Variants in PRKG1 observed in about 807,000 individuals in gnomAD.
PRKG1 encodes the protein cGMP-dependent protein kinase 1.
Under a neutral mutation model 88.1 loss-of-function variants are expected in PRKG1, and 35 were observed. That is an observed-to-expected ratio of 0.40 (90% CI 0.30 to 0.53). The LOEUF is 0.53. PRKG1 is among the 20% of genes least tolerant of loss of function. The pLI is 0.59. For synonymous variants in PRKG1, 303 were observed against 292.5 expected (o/e 1.04, Z -0.37); for missense variants, 540 against 839.8 (o/e 0.64, Z 4.41).
intron 2 of PRKG1, among the ~76,000 whole-genome samples, chr10:51,350,410 A>G (rs1180949439): frequency 6.6e-6 from 1 of 152,164 alleles, no homozygotes; most frequent in Non-Finnish European, 1.5e-5. Context: ...TAAATAACTC[A>G]CATTCTATAT....
intron 9 of PRKG1, among the ~76,000 whole-genome samples, chr10:52,238,763 C>T (rs1477385380): frequency 4.7e-5 from 7 of 149,454 alleles, no homozygotes; most frequent in Non-Finnish European, 1.0e-4. Context: ...GTCAGTGTGG[C>T]GATTCCTCAG....
intron 9 of PRKG1, among the ~76,000 whole-genome samples, chr10:52,248,898 C>G (rs1384690104): frequency 3.4e-5 from 1 of 29,236 alleles, no homozygotes; most frequent in African/African-American, 5.9e-5. Context: ...TCCTTCCTTT[C>G]CTTTCTCTTT....
chr10:52,086,587 T>G (rs1038947642), intron 7 of PRKG1, among the ~76,000 whole-genome samples: 1 of 151,970 alleles, frequency 6.6e-6, no homozygotes, highest in African/African-American at 2.4e-5. Context: ...GTATTTTTAG[T>G]AGAGACAGGG....
rs376238076 is a variant in PRKG1, at chr10:52,170,522, C to T, written c.1076+8559C>T. Among the ~76,000 whole-genome samples the T allele has an allele frequency of 1.6e-4, 25 of 152,216 alleles. No individual in the cohort carries two copies. In the East Asian group the frequency reaches 2.3e-3, roughly 14 times the overall value. On this transcript the variant is annotated intron_variant, in intron 9 of 17. Transcript: ENST00000373980. ...CTGCAGGGCTGGCTCTCGCTTATTG[C>T]CACTAAAAAAAGAAGTACCACAATC...
chr10:51,724,639 T>C (rs946504415), intron 3 of PRKG1, among the ~76,000 whole-genome samples: 1 of 152,188 alleles, frequency 6.6e-6, no homozygotes, highest in East Asian at 1.9e-4. Flanking sequence ...ATCCTCTTGC[T>C]GTGGCCTCCA....
chr10:51,749,255 G>T, intron 3 of PRKG1, among the ~76,000 whole-genome samples: 1 of 152,134 alleles, frequency 6.6e-6, no homozygotes, highest in East Asian at 1.9e-4. Context: ...GTCTTAGTCA[G>T]CTCAGACTGT....
chr10:51,936,467 A>G (rs1842801956), intron 5 of PRKG1, among the ~76,000 whole-genome samples: 1 of 152,054 alleles, frequency 6.6e-6, no homozygotes, highest in Non-Finnish European at 1.5e-5. Flanking sequence ...GTAAATGACA[A>G]TGTCCTTAAA....
chr10:52,176,047 C>T (rs116155599), intron 9 of PRKG1, among the ~76,000 whole-genome samples: 1 of 151,742 alleles, frequency 6.6e-6, no homozygotes, highest in South Asian at 2.1e-4. Context: ...GTTTTTGAGG[C>T]CTTATTCAAA....
Position 50,991,008 on chromosome 10 carries a change from C to T in PRKG1, c.-371C>T, listed in dbSNP as rs982374903. The stretch of plus-strand genomic sequence containing the variant: ...CGGTGGGGTGGCGCGCGCGTATTCT[C>T]ACGGAGTGACTAGGAGAGGGGGACG... On this transcript the variant is annotated 5_prime_UTR_variant, in exon 1 of 18. Transcript: ENST00000401604. This position sits in a 1 kb window ranked among gnomAD's most constrained non-coding sequence, Gnocchi z 4.5. The T allele has an allele frequency of 2.6e-5, 5 of 192,028 alleles. No homozygotes were observed. The highest frequency in any genetic ancestry group is 4.2e-5 in the Non-Finnish European group (4 of 95,410). 11.9% of individuals were successfully genotyped at this position (192,028 alleles called of 1,614,324 possible).
chr10:51,396,560 A>G (rs1039323812), intron 2 of PRKG1, among the ~76,000 whole-genome samples: 1 of 152,214 alleles, frequency 6.6e-6, no homozygotes, highest in African/African-American at 2.4e-5. Context: ...TAGATCTTTC[A>G]GTGATGGTTA....
chr10:51,218,855 T>C (rs1232112701), intron 2 of PRKG1, among the ~76,000 whole-genome samples: 3 of 144,344 alleles, frequency 2.1e-5, no homozygotes, highest in African/African-American at 2.6e-5. Flanking sequence ...AGGGAGGGAG[T>C]GGAAGAAGGA....
chr10:51,570,067 A>ATATATATATATATCTATATATATATGTG (rs1491310201), intron 3 of PRKG1, among the ~76,000 whole-genome samples: 1 of 113,078 alleles, frequency 8.8e-6, no homozygotes, highest in Admixed American at 8.8e-5. Context: ...ATATATATAT[A>ATATATATATATATCTATATATATATGTG]TGTGTGTGTG....
At chr10:52,070,033 T>C (rs1390641169) in intron 7 of PRKG1, among the ~76,000 whole-genome samples, 1 of 152,200 alleles carries the variant, frequency 6.6e-6, no homozygotes, top group Non-Finnish European at 1.5e-5. Flanking sequence ...AATATAATAT[T>C]AAGTGTGTTA....
intron 3 of PRKG1, among the ~76,000 whole-genome samples, chr10:51,516,838 T>G (rs1295886315): frequency 6.6e-6 from 1 of 152,212 alleles, no homozygotes; most frequent in African/African-American, 2.4e-5. Context: ...AGAAGAGGTT[T>G]GTACATTCGT....
At chr10:51,445,529 T>C (rs1001743702) in intron 2 of PRKG1, among the ~76,000 whole-genome samples, 2 of 148,452 alleles carry the variant, frequency 1.3e-5, no homozygotes, top group East Asian at 3.9e-4. Flanking sequence ...TTAGGTTAAA[T>C]ATAACAACAA....
chr10:51,117,562 A>G (rs759476394), intron 1 of PRKG1, among the ~76,000 whole-genome samples: 6 of 152,206 alleles, frequency 3.9e-5, no homozygotes, highest in African/African-American at 1.4e-4. Context: ...CTATGTCCCT[A>G]GTACTGTGTG....
intron 1 of PRKG1, among the ~76,000 whole-genome samples, chr10:51,102,206 TTTA>T (rs1330523907): frequency 1.3e-5 from 2 of 152,176 alleles, no homozygotes; most frequent in Non-Finnish European, 2.9e-5. Flanking sequence ...TTTCTTTGTG[TTTA>T]TTACCTTTGT....
At chr10:51,456,067 G>A (rs1169925830) in intron 2 of PRKG1, among the ~76,000 whole-genome samples, 1 of 152,208 alleles carries the variant, frequency 6.6e-6, no homozygotes, top group African/African-American at 2.4e-5. Flanking sequence ...AGTTCCACAT[G>A]GCTGGGGAGG....
At chr10:51,221,999 C>T (rs1838547926) in intron 2 of PRKG1, among the ~76,000 whole-genome samples, 1 of 151,332 alleles carries the variant, frequency 6.6e-6, no homozygotes, top group South Asian at 2.1e-4. Context: ...CTTGGCCTCC[C>T]GAGTAGCTGA....
Sources: gnomAD v4.1 joint callset for allele counts (sites outside exome capture counted in the v4.1 genomes callset) on GRCh38, gnomAD v4.1.1 for gene constraint, Gnocchi (gnomAD v3.1) non-coding constraint, MANE v1.5 for transcripts, NCBI Gene and HGNC (gene_info 2026-07-23, HGNC 2026-07-21) for gene names.